AFF2: variants seen among roughly 807,000 people sequenced by gnomAD.
AFF2 encodes AF4/FMR2 family member 2.
Under a neutral mutation model 76.9 loss-of-function variants are expected in AFF2, and 14 were observed. The ratio of observed to expected loss-of-function variants is 0.18; its 90% CI spans 0.12 to 0.28. AFF2 has a LOEUF of 0.28. AFF2 is among the 10% of genes least tolerant of loss of function. The pLI, the probability that AFF2 is intolerant of heterozygous loss-of-function variation, is 1.00. For missense variants in AFF2, 868 were observed against 1,001.1 expected, an observed-to-expected ratio of 0.87 and a Z score of 1.79; for synonymous variants, 398 against 366.7, an observed-to-expected ratio of 1.09 and a Z score of -0.98.
chrX:148,711,328 T>C (rs1318362631), intron 3 of AFF2, among the ~76,000 whole-genome samples: 1 of 112,127 alleles, frequency 8.9e-6, no homozygotes, highest in Non-Finnish European at 1.9e-5. Flanking sequence ...AAGTCTTTTC[T>C]CTAGCATTAT....
In AFF2 at chrX:148,955,921, A is replaced by G. The variant is rs782369214; in HGVS notation, c.1876A>G (p.Ile626Val). 6 of 1,209,755 alleles carry G rather than the reference A, an allele frequency of 5.0e-6. No homozygotes were observed. Among genetic ancestry groups the G allele is most frequent in the Non-Finnish European group, 6.7e-6 (6 of 895,265 alleles). The change falls in exon 11 of 21, where the codon ATT becomes GTT. Residue 626 changes from isoleucine (I) to valine (V), a missense_variant. Ile to Val is a conservative substitution (Grantham distance 29). This residue lies in a region of AFF2 where 532 missense variants were observed against 564.2 expected (regional missense o/e 0.94). Transcript: ENST00000370460. ...TAGTGAGACAGTGTCTCAAAGGACA[A>G]TTGGGAAAAAACAGCCCAAAAAAGT... is the stretch of plus-strand genomic sequence containing the variant. ...TTSETVSQRT[I>V]GKKQPKKVEK...
chrX:148,580,907 G>A (rs1431198160), intron 1 of AFF2, among the ~76,000 whole-genome samples: 1 of 94,146 alleles, frequency 1.1e-5, no homozygotes, highest in African/African-American at 3.7e-5. Flanking sequence ...AAGAATCATG[G>A]AAAGAATTCT....
At chrX:148,919,673 G>A (rs1311789819) in intron 9 of AFF2, among the ~76,000 whole-genome samples, 2 of 110,936 alleles carry the variant, frequency 1.8e-5, no homozygotes, top group Non-Finnish European at 3.8e-5. Context: ...CAAGTCTGGG[G>A]GAAGAAGTGC....
chrX:148,663,457 A>T (rs781981365), intron 3 of AFF2, among the ~76,000 whole-genome samples: 2 of 112,288 alleles, frequency 1.8e-5, no homozygotes, highest in South Asian at 7.4e-4. Flanking sequence ...TAAATATCCT[A>T]CCCATCTCAG....
chrX:148,869,102 A>C (rs1256766770), intron 7 of AFF2, among the ~76,000 whole-genome samples: 1 of 112,728 alleles, frequency 8.9e-6, no homozygotes, highest in Non-Finnish European at 1.9e-5. Context: ...TGCTAAGTGA[A>C]ATATAATATG....
At chrX:148,661,868 C>T (rs782081912) in intron 2 of AFF2, 40 bp from the exon 3 acceptor site, 1 of 1,144,934 alleles carries the variant, frequency 8.7e-7, no homozygotes, top group Admixed American at 2.7e-5. Flanking sequence ...CAAACCTATT[C>T]ATTCTCTCTC....
chrX:148,777,810 G>A (rs1426329085), intron 3 of AFF2, among the ~76,000 whole-genome samples: 2 of 112,032 alleles, frequency 1.8e-5, no homozygotes, highest in African/African-American at 6.5e-5. Context: ...GAGATAATTT[G>A]ACTTCCTCTC....
chrX:148,977,209 C>T (rs1447489428), intron 16 of AFF2, among the ~76,000 whole-genome samples: 1 of 111,687 alleles, frequency 9.0e-6, no homozygotes, highest in Admixed American at 9.5e-5. Context: ...AGTCTAAATG[C>T]TCTGAATGGA....
rs782506880 is a variant in AFF2, at chrX:148,978,476, T to A, written c.3570+21T>A. 42 of 1,025,777 alleles carry A rather than the reference T, an allele frequency of 4.1e-5. No homozygotes were observed. In the South Asian group the frequency reaches 7.3e-4, roughly 18 times the overall value. 84.5% of individuals were successfully genotyped at this position (1,025,777 alleles called of 1,213,427 possible). A position where few individuals can be genotyped will look rare whatever the true frequency, so the allele number is the denominator to read the frequency against. Reference sequence around the variant, plus strand: ...TTAAGGTAATGCTTATTTTGTATAATTTATAGGTACAGGATGATAAAATCA... The same window carrying A: ...TTAAGGTAATGCTTATTTTGTATAAATTATAGGTACAGGATGATAAAATCA... On this transcript the variant is annotated intron_variant, in intron 18 of 20. Transcript: ENST00000370460.
chrX:148,843,716 C>T lies in AFF2; in HGVS notation c.1262+283C>T, dbSNP rs781784176. On this transcript the variant is annotated intron_variant, in intron 7 of 20. Transcript: ENST00000370460. The stretch of plus-strand genomic sequence containing the variant: ...GAGAAGTTTGAGATCAATGCACCAG[C>T]ATAAAGGGTATCTTGTGAGGGACCA... Among the ~76,000 whole-genome samples, 22 of 111,388 alleles carry T rather than the reference C, an allele frequency of 2.0e-4. 1 individual carries two copies. The highest frequency in any genetic ancestry group is 4.1e-4 in the Non-Finnish European group (22 of 53,039).
intron 1 of AFF2, among the ~76,000 whole-genome samples, chrX:148,513,150 T>G (rs2052500411): frequency 8.9e-6 from 1 of 112,575 alleles, no homozygotes; most frequent in African/African-American, 3.2e-5. Context: ...TACATATTAT[T>G]ATAAAGCAAA....
intron 1 of AFF2, among the ~76,000 whole-genome samples, chrX:148,578,995 G>A (rs2053322705): frequency 9.0e-6 from 1 of 111,294 alleles, no homozygotes; most frequent in Non-Finnish European, 1.9e-5. Flanking sequence ...TTTTCCCAGA[G>A]GCTGAGCTCA....
At chrX:148,761,385 A>G (rs2069438869) in intron 3 of AFF2, among the ~76,000 whole-genome samples, 1 of 109,408 alleles carries the variant, frequency 9.1e-6, no homozygotes, top group Non-Finnish European at 1.9e-5. Flanking sequence ...GTGGGTGTAT[A>G]TGGGGAGGTC....
chrX:148,778,087 T>C (rs1332997722), intron 3 of AFF2, among the ~76,000 whole-genome samples: 1 of 112,100 alleles, frequency 8.9e-6, no homozygotes, highest in Non-Finnish European at 1.9e-5. Flanking sequence ...ATCAAAGGCC[T>C]TTTCTGCATC....
Position 148,997,141 on chromosome X carries a change from C to G in AFF2, c.*5809C>G, listed in dbSNP as rs1244666834. On this transcript the variant is annotated 3_prime_UTR_variant, in exon 21 of 21. Transcript: ENST00000370460. ...TTACTGTTTTAGCTCTGAACTCAAA[C>G]CAGAATATCTCTGTATCAATTGCAT... The G allele has an allele frequency of 1.8e-5, 2 of 112,000 alleles. No individual in the cohort carries two copies. The highest frequency in any genetic ancestry group is 5.6e-4 in the East Asian group (2 of 3,577). The allele number at this position is 112,000 out of a possible 1,213,427, so 9.2% of individuals were successfully genotyped here. A position where few individuals can be genotyped will look rare whatever the true frequency, so the allele number is the denominator to read the frequency against.
At chrX:148,580,813 ACTT>A (rs200940412) in intron 1 of AFF2, among the ~76,000 whole-genome samples, 1,512 of 108,334 alleles carry the variant, frequency 0.014, 12 homozygotes, top group Non-Finnish European at 0.023. Flanking sequence ...AAATAATTGT[ACTT>A]CTTAATGTAA....
Position 148,794,981 on chromosome X carries a change from G to A in AFF2, c.1042-14895G>A, listed in dbSNP as rs144770463. Among the ~76,000 whole-genome samples the A allele has an allele frequency of 4.3e-4, 48 of 111,716 alleles. No homozygotes were observed. The East Asian group carries it at 0.012, about 27-fold the overall frequency. ...AAATCATGCAACCTTTTGAAGCCTC[G>A]CTTCTTTTTCATCTTAAAAAATGAA... is the stretch of plus-strand genomic sequence containing the variant. On this transcript the variant is annotated intron_variant, in intron 3 of 20. Transcript: ENST00000370460.
chrX:148,686,120 A>AT (rs199999497), intron 3 of AFF2, among the ~76,000 whole-genome samples: 2,236 of 111,535 alleles, frequency 0.02, 34 homozygotes, highest in Middle Eastern at 0.088. Flanking sequence ...TGAAGTCTGT[A>AT]TTTTTTTTAG....
intron 1 of AFF2, among the ~76,000 whole-genome samples, chrX:148,544,494 G>A (rs1303362283): frequency 8.9e-6 from 1 of 112,172 alleles, no homozygotes; most frequent in Non-Finnish European, 1.9e-5. Flanking sequence ...ATGTGTGAGT[G>A]TGCACACATG....
Sources: allele counts gnomAD v4.1 joint callset (sites outside exome capture counted in the v4.1 genomes callset), GRCh38; gene constraint gnomAD v4.1.1; regional missense constraint gnomAD v4.1.1; transcripts MANE v1.5; gene names NCBI Gene and HGNC (gene_info 2026-07-23, HGNC 2026-07-21).